DPYD: variants seen among roughly 807,000 people sequenced by gnomAD.
DPYD encodes dihydropyrimidine dehydrogenase [NADP(+)].
In DPYD, 109 loss-of-function variants were observed where a neutral mutation model predicts 116.2. That is an observed-to-expected ratio of 0.94 (90% CI 0.80 to 1.10). DPYD has a LOEUF of 1.10. Among genes scored for constraint, DPYD ranks in the 50% least tolerant of loss-of-function variants. The pLI is 0.00. For synonymous variants in DPYD, 440 were observed against 432.0 expected (o/e 1.02, Z -0.23); for missense variants, 1,302 against 1,254.5 (o/e 1.04, Z -0.57).
At chr1:97,707,055 T>C (rs1209432743) in intron 5 of DPYD, among the ~76,000 whole-genome samples, 2 of 152,072 alleles carry the variant, frequency 1.3e-5, no homozygotes, top group Non-Finnish European at 2.9e-5. Context: ...TGAATGTTTG[T>C]GTCTACGCCC....
At chr1:97,196,844 C>A (rs1658850578) in intron 19 of DPYD, among the ~76,000 whole-genome samples, 1 of 152,128 alleles carries the variant, frequency 6.6e-6, no homozygotes, top group Non-Finnish European at 1.5e-5. Flanking sequence ...AAATACTTTC[C>A]TACAACTATT....
At chr1:97,168,685 A>G (rs1415088801) in intron 20 of DPYD, among the ~76,000 whole-genome samples, 1 of 152,084 alleles carries the variant, frequency 6.6e-6, no homozygotes, top group African/African-American at 2.4e-5. Flanking sequence ...TTTTTTAACC[A>G]ATGAGTTTAG....
chr1:97,266,288 A>G (rs1664219971), intron 18 of DPYD, among the ~76,000 whole-genome samples: 1 of 152,188 alleles, frequency 6.6e-6, no homozygotes, highest in Admixed American at 6.5e-5. Context: ...TAACTAGAGA[A>G]TGAAAAATAG....
intron 20 of DPYD, among the ~76,000 whole-genome samples, chr1:97,170,274 T>C (rs6670102): frequency 0.31 from 47,023 of 152,034 alleles, 8,380 homozygotes; most frequent in East Asian, 0.65. Context: ...CAGGTATATC[T>C]AGGGTTTTCC....
At chr1:97,557,308 C>CTTTTTTTTT (rs796245332) in intron 11 of DPYD, among the ~76,000 whole-genome samples, 8 of 107,158 alleles carry the variant, frequency 7.5e-5, no homozygotes, top group Non-Finnish European at 9.3e-5. Context: ...TTTTTCTTTT[C>CTTTTTTTTT]TTTTTTTTTT....
intron 14 of DPYD, among the ~76,000 whole-genome samples, chr1:97,418,626 T>C (rs1386123180): frequency 2.6e-5 from 4 of 152,070 alleles, no homozygotes; most frequent in African/African-American, 9.7e-5. Context: ...ATTAAAAGTA[T>C]CACACGTTTT....
rs866969069 is a variant in DPYD at position 97,279,384 on chromosome 1, G to A, written c.2299+25875C>T. ...AGCACAGTTCAAGCAGGGAGGCACA[G>A]TGGGTGAAATGTGAAGACTGTCTGA... On this transcript the variant is annotated intron_variant, in intron 18 of 22. Coordinates refer to ENST00000370192, the MANE Select transcript of DPYD (RefSeq NM_000110.4). Among the ~76,000 whole-genome samples the A allele has an allele frequency of 1.1e-4, 16 of 152,278 alleles. No individual in the cohort carries two copies. The Middle Eastern group carries it at 0.01, about 97-fold the overall frequency.
At chr1:97,493,212 A>G (rs571038274) in intron 13 of DPYD, among the ~76,000 whole-genome samples, 1 of 152,198 alleles carries the variant, frequency 6.6e-6, no homozygotes, top group East Asian at 1.9e-4. Flanking sequence ...ATGTAATACC[A>G]AGTAGGCTGT....
chr1:97,668,853 A>G (rs891217798), intron 8 of DPYD, among the ~76,000 whole-genome samples: 1 of 152,110 alleles, frequency 6.6e-6, no homozygotes, highest in Non-Finnish European at 1.5e-5. Context: ...TTTTTTAAAA[A>G]AAGGAAAGAA....
At chr1:97,374,929 T>C (rs1008797274) in intron 15 of DPYD, among the ~76,000 whole-genome samples, 8 of 147,458 alleles carry the variant, frequency 5.4e-5, no homozygotes, top group African/African-American at 2.0e-4. Context: ...CTTGGGAAGC[T>C]GAGGCAGGAG....
At chr1:97,319,360 G>C (rs942799381) in intron 16 of DPYD, among the ~76,000 whole-genome samples, 3 of 145,114 alleles carry the variant, frequency 2.1e-5, no homozygotes, top group Non-Finnish European at 3.0e-5. Context: ...AAAAAAGAGA[G>C]AAGAATCAAA....
chr1:97,273,292 C>T (rs1664721784), intron 18 of DPYD, among the ~76,000 whole-genome samples: 1 of 152,000 alleles, frequency 6.6e-6, no homozygotes, highest in Non-Finnish European at 1.5e-5. Context: ...CCCAACAAGG[C>T]CAAGGGTGAA....
intron 3 of DPYD, among the ~76,000 whole-genome samples, chr1:97,818,174 T>C (rs537076457): frequency 1.7e-4 from 26 of 152,154 alleles, no homozygotes; most frequent in South Asian, 2.1e-4. Context: ...ATATTTCTTT[T>C]CTGGTTTTAT....
At chr1:97,879,295 T>C (rs1672070669) in intron 2 of DPYD, among the ~76,000 whole-genome samples, 1 of 151,960 alleles carries the variant, frequency 6.6e-6, no homozygotes, top group South Asian at 2.1e-4. Flanking sequence ...GGTGAGCACC[T>C]TGTATGTGTC....
intron 10 of DPYD, among the ~76,000 whole-genome samples, chr1:97,590,845 C>A (rs914460839): frequency 6.6e-6 from 1 of 152,316 alleles, no homozygotes; most frequent in Middle Eastern, 3.4e-3. Context: ...GCTTCTGATG[C>A]CACTCCACTA....
At chr1:97,668,821 A>G (rs1335159416) in intron 8 of DPYD, among the ~76,000 whole-genome samples, 3 of 152,152 alleles carry the variant, frequency 2.0e-5, no homozygotes, top group African/African-American at 7.2e-5. Context: ...ATAAGGCTCA[A>G]TAGACAAAAC....
chr1:97,287,133 T>A (rs1386239640), intron 18 of DPYD, among the ~76,000 whole-genome samples: 5 of 152,172 alleles, frequency 3.3e-5, no homozygotes, highest in African/African-American at 1.2e-4. Flanking sequence ...CTTGTTAGTT[T>A]TCCTTCTAAC....
At chr1:97,624,172 T>C (rs1656791843) in intron 8 of DPYD, among the ~76,000 whole-genome samples, 1 of 151,958 alleles carries the variant, frequency 6.6e-6, no homozygotes, top group East Asian at 1.9e-4. Context: ...AGGAAGCAAT[T>C]AACAGTGTGT....
rs140841334 is a variant in DPYD at position 97,700,397 on chromosome 1, A to G, written c.484-850T>C. ...TAAACAGAAAACCCTATGGTCCAGG[A>G]AAAACAAAAACTGGAGTGACTAAAT... is the stretch of plus-strand genomic sequence containing the variant. On this transcript the variant is annotated intron_variant, in intron 5 of 22. Transcript: ENST00000370192. 1.8e-3 allele frequency: 700 copies of G among 394,000 alleles called. 3 individuals are homozygous for G. Among genetic ancestry groups the G allele is most frequent in the African/African-American group, 0.014 (662 of 47,354 alleles). 24.4% of individuals were successfully genotyped at this position (394,000 alleles called of 1,614,324 possible).
Sources: gnomAD v4.1 joint callset for allele counts (sites outside exome capture counted in the v4.1 genomes callset) on GRCh38, gnomAD v4.1.1 for gene constraint, MANE v1.5 for transcripts, NCBI Gene and HGNC (gene_info 2026-07-23, HGNC 2026-07-21) for gene names.